Variants in MPP2 observed in about 807,000 individuals in gnomAD.
MPP2 encodes the protein MAGUK p55 subfamily member 2.
In MPP2, 42 loss-of-function variants were observed where a neutral mutation model predicts 58.5. The observed-to-expected ratio is 0.72, with a 90% CI of 0.56 to 0.93. The LOEUF (loss-of-function observed/expected upper bound fraction) is 0.93. MPP2 is among the 40% of genes least tolerant of loss of function. The pLI is 0.00. For synonymous variants in MPP2, 300 were observed against 307.8 expected (o/e 0.97, Z 0.26); for missense variants, 632 against 760.4 (o/e 0.83, Z 1.99).
At chr17:43,883,084 G>C (rs1597766460) in intron 4 of MPP2, 32 bp from the exon 5 acceptor site, 1 of 1,591,634 alleles carries the variant, frequency 6.3e-7, no homozygotes. Context: ...AGGGACAATG[G>C]GGCAGTGTCC....
chr17:43,902,086 T>C (rs2048115701), intron 2 of MPP2, among the ~76,000 whole-genome samples: 1 of 152,248 alleles, frequency 6.6e-6, no homozygotes, highest in South Asian at 2.1e-4. Flanking sequence ...CATTAGATTT[T>C]TGAAGCTGGG....
intron 3 of MPP2, among the ~76,000 whole-genome samples, chr17:43,894,806 A>G (rs1019142231): frequency 7.2e-6 from 1 of 139,264 alleles, no homozygotes; most frequent in South Asian, 2.5e-4. Flanking sequence ...ATGGTGGTAC[A>G]TATTTGTAGC....
chr17:43,898,890 G>T (rs1227734092), intron 2 of MPP2, among the ~76,000 whole-genome samples: 1 of 152,020 alleles, frequency 6.6e-6, no homozygotes, highest in South Asian at 2.1e-4. Context: ...GCTTGAACCT[G>T]TGAGGCAGAG....
At chr17:43,887,568 T>C (rs1378655366) in intron 3 of MPP2, among the ~76,000 whole-genome samples, 1 of 152,102 alleles carries the variant, frequency 6.6e-6, no homozygotes, top group Non-Finnish European at 1.5e-5. Context: ...CGCTTGGAGT[T>C]TATTCTGATA....
At chr17:43,904,222 C>T (rs934941313) in intron 2 of MPP2, among the ~76,000 whole-genome samples, 5 of 152,178 alleles carry the variant, frequency 3.3e-5, no homozygotes, top group African/African-American at 1.2e-4. Flanking sequence ...AGGTATGGGT[C>T]TTATTCTTTC....
chr17:43,892,161 G>A (rs1567892901), intron 3 of MPP2, among the ~76,000 whole-genome samples: 1 of 152,058 alleles, frequency 6.6e-6, no homozygotes, highest in Non-Finnish European at 1.5e-5. Flanking sequence ...GTATCCTCAG[G>A]CCCTGTCCCT....
At chr17:43,900,324 T>G (rs1409146186) in intron 2 of MPP2, 2 of 791,384 alleles carry the variant, frequency 2.5e-6, no homozygotes, top group African/African-American at 3.5e-5. Flanking sequence ...GCCAAGGGAG[T>G]TGGTGCCCTC....
chr17:43,879,973 G>C lies in MPP2; in HGVS notation c.1162C>G (p.Arg388Gly). 1 of 1,613,996 alleles carries C rather than the reference G, an allele frequency of 6.2e-7. No homozygotes were observed. The highest frequency in any genetic ancestry group is 8.5e-7 in the Non-Finnish European group (1 of 1,179,960). Reference protein sequence around the residue: ...YGTTVPYTSRRPKDSEREGQG... With the variant: ...YGTTVPYTSRGPKDSEREGQG... ...CCTTCCCGCTCTGAGTCTTTCGGCCGCCGGGAGGTGTCTAGGGGGATGGGG... is the reference window on the plus strand; with the variant it reads ...CCTTCCCGCTCTGAGTCTTTCGGCCCCCGGGAGGTGTCTAGGGGGATGGGG... The change falls in exon 11 of 13, where the codon CGG (arginine) becomes GGG (glycine). Residue 388 changes from arginine (R) to glycine (G), a missense_variant. Physicochemically the swap from Arg to Gly is moderately radical, Grantham distance 125 (BLOSUM62 -2). Transcript: ENST00000269095. The surrounding 1 kb of genome is among the most constrained non-coding windows in gnomAD (Gnocchi z 4.1).
rs188893975 is a variant in MPP2 at position 43,889,205 on chromosome 17, C to T, written c.151-5850G>A. ...CCTCCCAAAGTGCTGGAATTACAGG[C>T]GTGAGCCACCACACCTGGCCTAAAT... On this transcript the variant is annotated intron_variant, in intron 3 of 12. Transcript: ENST00000269095. Among the ~76,000 whole-genome samples the T allele has an allele frequency of 3.4e-4, 51 of 152,110 alleles. No individual in the cohort carries two copies. The East Asian group carries it at 4.5e-3, about 13-fold the overall frequency.
intron 3 of MPP2, among the ~76,000 whole-genome samples, chr17:43,884,892 G>A (rs2047301915): frequency 6.6e-6 from 1 of 152,184 alleles, no homozygotes; most frequent in African/African-American, 2.4e-5. Context: ...GGCCAAGGCA[G>A]GTGGATTACC....
intron 2 of MPP2, 117 bp downstream of exon 2, chr17:43,904,313 G>A (rs917463808): frequency 1.1e-6 from 1 of 876,624 alleles, no homozygotes; most frequent in South Asian, 1.6e-5. Flanking sequence ...GTGGTAGGGT[G>A]GACAGCAGTG....
At chr17:43,897,683 G>A (rs1211382281) in intron 3 of MPP2, among the ~76,000 whole-genome samples, 1 of 152,046 alleles carries the variant, frequency 6.6e-6, no homozygotes, top group Non-Finnish European at 1.5e-5. Flanking sequence ...CTGTGCTTCT[G>A]CTCAAGCTCT....
Position 43,882,998 on chromosome 17 carries a change from G to T in MPP2, c.358C>A (p.Pro120Thr). The T allele has an allele frequency of 6.2e-7, 1 of 1,610,240 alleles. No individual in the cohort carries two copies. The highest frequency in any genetic ancestry group is 8.5e-7 in the Non-Finnish European group (1 of 1,176,920). The change falls in exon 5 of 13, where the codon CCC (proline) becomes ACC (threonine). Residue 120 changes from proline to threonine, a missense_variant. Coordinates refer to ENST00000269095, the MANE Select transcript of MPP2 (RefSeq NM_005374.5). Reference sequence around the variant, plus strand: ...AATGTAGGGTCCAGGCCAGGGCTGGGGGGTGGTGTCTCATAGGTCTTTGAG... The same window carrying T: ...AATGTAGGGTCCAGGCCAGGGCTGGTGGGTGGTGTCTCATAGGTCTTTGAG... Reference protein sequence around the residue: ...VASKTYETPPPSPGLDPTFSN... With the variant: ...VASKTYETPPTSPGLDPTFSN...
Position 43,879,473 on chromosome 17 carries a change from A to C in MPP2, c.1354-70T>G. ...TCCTAGGAACCAGAGAAAGGCTGTG[A>C]GGGTAACTGGGGTTGGGGTGAGCAC... On this transcript the variant is annotated intron_variant, in intron 11 of 12. Coordinates refer to ENST00000269095, the MANE Select transcript of MPP2 (RefSeq NM_005374.5). This position sits in a 1 kb window ranked among gnomAD's most constrained non-coding sequence, Gnocchi z 4.1. The C allele has an allele frequency of 3.1e-6, 5 of 1,589,784 alleles. No homozygotes were observed. The highest frequency in any genetic ancestry group is 3.4e-6 in the Non-Finnish European group (4 of 1,162,828).
Position 43,879,640 on chromosome 17 carries a change from G to A in MPP2, c.1353+142C>T. On this transcript the variant is annotated intron_variant, in intron 11 of 12. Transcript: ENST00000269095. The surrounding 1 kb of genome is among the most constrained non-coding windows in gnomAD (Gnocchi z 4.1). ...TCTGGAAGGCTGAGAAAGGTTCCAG[G>A]TGGGCTGGGTTTCTAGCAGTAGTTG... 9.3e-7 allele frequency: 1 copy of A among 1,071,534 alleles called. No homozygotes were observed. 66.4% of individuals were successfully genotyped at this position (1,071,534 alleles called of 1,614,324 possible). A position where few individuals can be genotyped will look rare whatever the true frequency, so the allele number is the denominator to read the frequency against.
Position 43,879,719 on chromosome 17 carries a change from G to C in MPP2, c.1353+63C>G, listed in dbSNP as rs1194610824. ...AGGTGACAGGTGTCTGGAACTATATGGGGGAGCAATGAGGCAGCAGAGAGG... is the reference window on the plus strand; with the variant it reads ...AGGTGACAGGTGTCTGGAACTATATCGGGGAGCAATGAGGCAGCAGAGAGG... On this transcript the variant is annotated intron_variant, in intron 11 of 12. Coordinates refer to ENST00000269095, the MANE Select transcript of MPP2 (RefSeq NM_005374.5). This position sits in a 1 kb window ranked among gnomAD's most constrained non-coding sequence, Gnocchi z 4.1. 2.6e-6 allele frequency: 4 copies of C among 1,566,314 alleles called. No homozygotes were observed. Among genetic ancestry groups the C allele is most frequent in the Non-Finnish European group, 1.7e-6 (2 of 1,145,524 alleles).
In MPP2 at chr17:43,883,056, G is replaced by T. The variant is rs781538203; in HGVS notation, c.304-4C>A. On this transcript the variant is annotated splice_region_variant and splice_polypyrimidine_tract_variant and intron_variant, in intron 4 of 12. Coordinates refer to ENST00000269095, the MANE Select transcript of MPP2 (RefSeq NM_005374.5). ...AGTCGTGCGTCTCCAGGAGGGACTG[G>T]GGGGTGGTGGGAAGAGAAGGGACAA... 6.2e-7 allele frequency: 1 copy of T among 1,609,656 alleles called. No homozygotes were observed. The highest frequency in any genetic ancestry group is 1.1e-5 in the South Asian group (1 of 90,604).
At position 43,879,235 on chromosome 17, in the gene MPP2, G is replaced by T. The variant is rs756187585; in HGVS notation, c.1482+40C>A. On this transcript the variant is annotated intron_variant, in intron 12 of 12. Coordinates refer to ENST00000269095, the MANE Select transcript of MPP2 (RefSeq NM_005374.5). This position sits in a 1 kb window ranked among gnomAD's most constrained non-coding sequence, Gnocchi z 4.1. ...TCAGGCCTGTCCCCCACCACCCTAG[G>T]CAGCTATCAGACCCCTCCCCCACAC... is the stretch of plus-strand genomic sequence containing the variant. The T allele has an allele frequency of 3.8e-6, 6 of 1,586,760 alleles. No individual in the cohort carries two copies. Among genetic ancestry groups the T allele is most frequent in the Non-Finnish European group, 5.2e-6 (6 of 1,161,292 alleles).
chr17:43,882,601 C>T, intron 5 of MPP2, 90 bp from the exon 6 acceptor site: 1 of 1,208,442 alleles, frequency 8.3e-7, no homozygotes, highest in Non-Finnish European at 1.1e-6. Flanking sequence ...CATTCCTGTC[C>T]CTACCCACCC....
Sources: allele counts gnomAD v4.1 joint callset (sites outside exome capture counted in the v4.1 genomes callset), GRCh38; gene constraint gnomAD v4.1.1; non-coding constraint Gnocchi (gnomAD v3.1); transcripts MANE v1.5; gene names NCBI Gene and HGNC (gene_info 2026-07-23, HGNC 2026-07-21).